STARD13: variants seen among roughly 807,000 people sequenced by gnomAD.
The protein encoded by STARD13 is stAR-related lipid transfer protein 13.
A neutral mutation model predicts 106.4 loss-of-function variants in STARD13; 62 were observed. That is an observed-to-expected ratio of 0.58 (90% CI 0.48 to 0.72). STARD13 has a LOEUF of 0.72. STARD13 is among the 30% of genes least tolerant of loss of function. The pLI is 0.00. For synonymous variants in STARD13, 565 were observed against 553.0 expected (o/e 1.02, Z -0.31); for missense variants, 1,387 against 1,424.0 (o/e 0.97, Z 0.42).
rs187167046 is a variant in STARD13 at position 33,313,255 on chromosome 13, A to T, written c.124+37035T>A. 2.4e-3 allele frequency among the ~76,000 whole-genome samples: 365 copies of T among 152,310 alleles called. 1 individual carries two copies. The highest frequency in any genetic ancestry group is 8.4e-3 in the African/African-American group (350 of 41,560). ...ATATTTGGAATGAAAAAAATGTGTT[A>T]TCCAAGGGGAAATTTTATTACAATG... On this transcript the variant is annotated intron_variant, in intron 1 of 5. Transcript: ENST00000567873.
chr13:33,371,155 G>A, the STARD13 span, among the ~76,000 whole-genome samples: 1 of 152,138 alleles, frequency 6.6e-6, no homozygotes, highest in Non-Finnish European at 1.5e-5. Flanking sequence ...ACTCTGAAAT[G>A]CTATCCAAGT....
chr13:33,396,785 A>G, the STARD13 span, among the ~76,000 whole-genome samples: 1 of 152,196 alleles, frequency 6.6e-6, no homozygotes, highest in Non-Finnish European at 1.5e-5. Flanking sequence ...AAAATTTATG[A>G]GATATCTGTT....
intron 1 of STARD13, among the ~76,000 whole-genome samples, chr13:33,169,198 C>G (rs1446615771): frequency 6.6e-6 from 1 of 152,208 alleles, no homozygotes; most frequent in African/African-American, 2.4e-5. Flanking sequence ...AAAGGAGTCT[C>G]TGAGTTCCAC....
chr13:33,160,092 C>G (rs1882445287), intron 3 of STARD13, among the ~76,000 whole-genome samples: 1 of 152,062 alleles, frequency 6.6e-6, no homozygotes, highest in East Asian at 1.9e-4. Context: ...CCTAAGTAAT[C>G]AAGACAGTGT....
At chr13:33,468,893 A>G in the STARD13 span, among the ~76,000 whole-genome samples, 33,352 of 151,984 alleles carry the variant, frequency 0.22, 6,761 homozygotes, top group African/African-American at 0.54. Context: ...CTTCTCCTTC[A>G]TGTTCCACTG....
chr13:33,547,853 A>C, the STARD13 span, among the ~76,000 whole-genome samples: 1 of 152,354 alleles, frequency 6.6e-6, no homozygotes, highest in East Asian at 1.9e-4. Flanking sequence ...ATTTACAAGA[A>C]GGAAAAACAT....
At chr13:33,572,448 A>T in the STARD13 span, among the ~76,000 whole-genome samples, 1 of 152,012 alleles carries the variant, frequency 6.6e-6, no homozygotes, top group East Asian at 1.9e-4. Flanking sequence ...TCTGTCCATA[A>T]ATCTTCTTCC....
the STARD13 span, among the ~76,000 whole-genome samples, chr13:33,670,018 T>G: frequency 6.6e-6 from 1 of 152,182 alleles, no homozygotes; most frequent in Non-Finnish European, 1.5e-5. Context: ...CTGAGTAACA[T>G]TTAAATAAAT....
At chr13:33,247,444 T>C (rs2555600) in intron 1 of STARD13, among the ~76,000 whole-genome samples, 101,286 of 151,574 alleles carry the variant, frequency 0.67, 34,348 homozygotes, top group Middle Eastern at 0.73. Flanking sequence ...GTCTCTGCAA[T>C]GCCGTCGCCA....
the STARD13 span, among the ~76,000 whole-genome samples, chr13:33,579,334 T>A: frequency 1.1e-4 from 16 of 152,122 alleles, no homozygotes; most frequent in Middle Eastern, 3.4e-3. Flanking sequence ...CAAAATAATG[T>A]CTTTTGTAGC....
chr13:33,513,835 AAT>A, the STARD13 span, among the ~76,000 whole-genome samples: 1 of 152,166 alleles, frequency 6.6e-6, no homozygotes, highest in Non-Finnish European at 1.5e-5. Context: ...CTATGCTGTT[AAT>A]ATGTTTCCCC....
chr13:33,108,552 C>T lies in STARD13; in HGVS notation c.3047+1321G>A, dbSNP rs116911502. ...TTTCTTATTTTTTATGGACTTTCCC[C>T]AGTGAAATACAAACCCCAAGAGAGC... On this transcript the variant is annotated intron_variant, in intron 12 of 13. Transcript: ENST00000336934. Among the ~76,000 whole-genome samples the T allele has an allele frequency of 9.4e-4, 143 of 152,316 alleles. 1 individual carries two copies. The East Asian group carries it at 0.026, about 28-fold the overall frequency.
At chr13:33,141,196 A>T (rs924379612) in intron 4 of STARD13, among the ~76,000 whole-genome samples, 1 of 152,256 alleles carries the variant, frequency 6.6e-6, no homozygotes, top group African/African-American at 2.4e-5. Flanking sequence ...AAAAGAATCA[A>T]TTCAGTGAAA....
chr13:33,287,406 C>T (rs561173262), upstream of STARD13, among the ~76,000 whole-genome samples: 4 of 152,264 alleles, frequency 2.6e-5, no homozygotes, highest in Admixed American at 1.3e-4. Context: ...TCAGCCTCTT[C>T]GGGTGGTTAC....
chr13:33,110,845 T>C lies in STARD13; in HGVS notation c.2670A>G (p.Pro890=). 6.2e-7 allele frequency: 1 copy of C among 1,614,078 alleles called. No homozygotes were observed. The highest frequency in any genetic ancestry group is 8.5e-7 in the Non-Finnish European group (1 of 1,180,042). ...NSYVEAEIHV[P]TLEELGTQLE... ...GCTGTGTCCCCAATTCTTCCAGGGT[T>C]GGCACGTGGATCTCAGCCTCCACAT... The change falls in exon 11 of 14, where the codon CCA becomes CCG. Residue 890 remains proline, a synonymous_variant. Transcript: ENST00000336934.
At chr13:33,597,280 A>AT in the STARD13 span, among the ~76,000 whole-genome samples, 1 of 152,102 alleles carries the variant, frequency 6.6e-6, no homozygotes, top group Non-Finnish European at 1.5e-5. Context: ...TTTCCTGATG[A>AT]TAGTGACATT....
chr13:33,574,307 C>T, the STARD13 span, among the ~76,000 whole-genome samples: 1 of 152,148 alleles, frequency 6.6e-6, no homozygotes, highest in South Asian at 2.1e-4. Flanking sequence ...CATGAGAGAA[C>T]ACAGTAAGTG....
intron 7 of STARD13, among the ~76,000 whole-genome samples, chr13:33,123,402 C>T (rs1478714856): frequency 6.6e-6 from 1 of 152,118 alleles, no homozygotes; most frequent in Non-Finnish European, 1.5e-5. Flanking sequence ...ATGTGCTCAG[C>T]TAATGAAGGA....
At chr13:33,568,021 T>C in the STARD13 span, among the ~76,000 whole-genome samples, 1 of 143,398 alleles carries the variant, frequency 7.0e-6, no homozygotes, top group Non-Finnish European at 1.5e-5. Context: ...GATAATGGTA[T>C]TTAGGGATTT....
Sources: allele counts gnomAD v4.1 joint callset (sites outside exome capture counted in the v4.1 genomes callset), GRCh38; gene constraint gnomAD v4.1.1; transcripts MANE v1.5; gene names NCBI Gene and HGNC (gene_info 2026-07-23, HGNC 2026-07-21).